STX18: variants seen among roughly 807,000 people sequenced by gnomAD.
The protein encoded by STX18 is syntaxin-18.
A neutral mutation model predicts 50.1 loss-of-function variants in STX18; 40 were observed. That is an observed-to-expected ratio of 0.80 (90% CI 0.62 to 1.04). The LOEUF (loss-of-function observed/expected upper bound fraction) is 1.04. Among genes scored for constraint, STX18 ranks in the 50% least tolerant of loss-of-function variants. STX18 has a pLI of 0.00. For synonymous variants in STX18, 158 were observed against 151.8 expected, an observed-to-expected ratio of 1.04 and a Z score of -0.30; for missense variants, 410 against 415.8, an observed-to-expected ratio of 0.99 and a Z score of 0.12.
chr4:4,508,974 T>G (rs973302028), intron 1 of STX18, among the ~76,000 whole-genome samples: 6 of 152,204 alleles, frequency 3.9e-5, no homozygotes, highest in Non-Finnish European at 8.8e-5. Flanking sequence ...TGATGGGCAT[T>G]TAGGTTGATT....
chr4:4,534,372 T>C (rs553005081), intron 1 of STX18, among the ~76,000 whole-genome samples: 1 of 152,246 alleles, frequency 6.6e-6, no homozygotes, highest in African/African-American at 2.4e-5. Flanking sequence ...TGTAATCTTC[T>C]ACCATTTAAC....
At chr4:4,434,601 C>T (rs1160224851) in intron 7 of STX18, among the ~76,000 whole-genome samples, 169 bp downstream of exon 7, 3 of 151,854 alleles carry the variant, frequency 2.0e-5, no homozygotes, top group South Asian at 2.1e-4. Flanking sequence ...TGAAAAGCAC[C>T]GTAAGAATTA....
intron 1 of STX18, among the ~76,000 whole-genome samples, chr4:4,532,675 G>C (rs886434144): frequency 3.9e-5 from 6 of 152,152 alleles, no homozygotes; most frequent in Non-Finnish European, 8.8e-5. Flanking sequence ...GTGACACCCA[G>C]AGAGGTTAGG....
intron 1 of STX18, among the ~76,000 whole-genome samples, chr4:4,527,851 TACAC>T (rs1373211949): frequency 2.2e-5 from 3 of 136,896 alleles, no homozygotes; most frequent in East Asian, 4.0e-4. Flanking sequence ...TATATATATA[TACAC>T]ACACACACAC....
At chr4:4,503,299 A>G (rs1013394714) in intron 1 of STX18, among the ~76,000 whole-genome samples, 1 of 152,208 alleles carries the variant, frequency 6.6e-6, no homozygotes, top group African/African-American at 2.4e-5. Context: ...TCTTTAAAAA[A>G]GTAATATTCA....
At chr4:4,471,499 G>A (rs1727917506) in intron 2 of STX18, 140 bp downstream of exon 2, 1 of 556,872 alleles carries the variant, frequency 1.8e-6, no homozygotes, top group Admixed American at 3.8e-5. Flanking sequence ...GCTTTGAGGA[G>A]ATTTTTCCAC....
intron 8 of STX18, chr4:4,423,953 C>A: frequency 3.6e-6 from 1 of 279,456 alleles, no homozygotes; most frequent in Non-Finnish European, 6.7e-6. Flanking sequence ...AAGTTCTCTG[C>A]CTAGCCTCAT....
chr4:4,423,646 G>A (rs1286824749), intron 8 of STX18, 59 bp from the exon 9 acceptor site: 16 of 1,516,312 alleles, frequency 1.1e-5, no homozygotes, highest in Admixed American at 1.7e-5. Context: ...TAACAGGACT[G>A]TTACACACTT....
intron 5 of STX18, among the ~76,000 whole-genome samples, chr4:4,452,684 G>T (rs1311604665): frequency 6.6e-6 from 1 of 152,194 alleles, no homozygotes. Flanking sequence ...GGCAGAGTGA[G>T]ACCCCAACTC....
intron 6 of STX18, among the ~76,000 whole-genome samples, chr4:4,436,142 G>A (rs988409218): frequency 3.9e-5 from 6 of 152,164 alleles, no homozygotes; most frequent in Admixed American, 2.0e-4. Flanking sequence ...CGTAATGATA[G>A]CAACAATGTA....
chr4:4,480,665 G>A (rs1365184060), intron 1 of STX18, among the ~76,000 whole-genome samples: 1 of 152,018 alleles, frequency 6.6e-6, no homozygotes, highest in Non-Finnish European at 1.5e-5. Context: ...AAAACTTTTT[G>A]AATTGATTTT....
chr4:4,498,380 G>C (rs1729283428), intron 1 of STX18, among the ~76,000 whole-genome samples: 1 of 152,136 alleles, frequency 6.6e-6, no homozygotes, highest in Admixed American at 6.5e-5. Context: ...ATATCAGAAA[G>C]GTGTCCCTAT....
intron 1 of STX18, chr4:4,476,291 A>G (rs1227305168): frequency 6.6e-6 from 1 of 152,248 alleles, no homozygotes; most frequent in Non-Finnish European, 1.5e-5. Flanking sequence ...CAAGAATTGA[A>G]CTGTAGATAA....
chr4:4,436,989 C>T (rs1159573518), intron 6 of STX18, among the ~76,000 whole-genome samples: 4 of 104,946 alleles, frequency 3.8e-5, no homozygotes, highest in South Asian at 3.2e-4. Context: ...GACGGAATTT[C>T]GCTCTTGTTG....
intron 1 of STX18, among the ~76,000 whole-genome samples, chr4:4,521,779 T>A (rs1005023535): frequency 6.6e-6 from 1 of 152,232 alleles, no homozygotes; most frequent in African/African-American, 2.4e-5. Flanking sequence ...AGTGAAGTTT[T>A]AATTTAATAT....
chr4:4,450,171 T>C (rs13108635), intron 5 of STX18, among the ~76,000 whole-genome samples: 5,040 of 152,296 alleles, frequency 0.033, 100 homozygotes, highest in Non-Finnish European at 0.049. Context: ...AATGTGTACA[T>C]ACGTACACAT....
intron 2 of STX18, among the ~76,000 whole-genome samples, chr4:4,465,024 G>C (rs1727555651): frequency 6.6e-6 from 1 of 151,612 alleles, no homozygotes; most frequent in South Asian, 2.1e-4. Flanking sequence ...TTTGATGTTA[G>C]GTGTTAACTC....
At chr4:4,504,189 G>T (rs532328269) in intron 1 of STX18, among the ~76,000 whole-genome samples, 2 of 152,180 alleles carry the variant, frequency 1.3e-5, no homozygotes, top group Non-Finnish European at 2.9e-5. Context: ...AACATAAAAT[G>T]TTCAAGGAAT....
At chr4:4,445,402 G>A (rs545956270) in intron 5 of STX18, among the ~76,000 whole-genome samples, 2 of 151,362 alleles carry the variant, frequency 1.3e-5, no homozygotes, top group South Asian at 2.1e-4. Context: ...ACGAAACTAC[G>A]TCTCAACAAC....
Sources: gnomAD v4.1 joint callset for allele counts (sites outside exome capture counted in the v4.1 genomes callset) on GRCh38, gnomAD v4.1.1 for gene constraint, MANE v1.5 for transcripts, NCBI Gene and HGNC (gene_info 2026-07-23, HGNC 2026-07-21) for gene names.